Variants in ADGB observed in about 807,000 individuals in gnomAD.
ADGB encodes the protein androglobin.
A neutral mutation model predicts 210.5 loss-of-function variants in ADGB; 172 were observed. The observed-to-expected ratio is 0.82, with a 90% CI of 0.72 to 0.93. ADGB has a LOEUF of 0.93. ADGB is among the 40% of genes least tolerant of loss of function. The pLI, the probability that ADGB is intolerant of heterozygous loss-of-function variation, is 0.00. For synonymous variants in ADGB, 658 were observed against 662.7 expected, an observed-to-expected ratio of 0.99 and a Z score of 0.11; for missense variants, 2,025 against 1,964.8, an observed-to-expected ratio of 1.03 and a Z score of -0.58.
rs1193400612 is a variant in ADGB, at chr6:146,666,854, C to T, written c.791C>T (p.Thr264Met). 7 of 1,547,722 alleles carry T rather than the reference C, an allele frequency of 4.5e-6. No individual in the cohort carries two copies. The African/African-American group carries it at 6.9e-5, about 15-fold the overall frequency. The change falls in exon 7 of 36, where the codon ACG (threonine) becomes ATG (methionine). Residue 264 changes from threonine (T) to methionine (M), a missense_variant. Physicochemically the swap from Thr to Met is moderately conservative, Grantham distance 81. Coordinates refer to ENST00000397944, the MANE Select transcript of ADGB (RefSeq NM_024694.4). ...VADRRELGEF[T>M]VIHALTGWLP... is the part of the protein sequence containing the mutation. ...GACAGGAGAGAGCTGGGGGAGTTCACGGTTATTCATGCGCTCACAGGATGG... is the reference window on the plus strand; with the variant it reads ...GACAGGAGAGAGCTGGGGGAGTTCATGGTTATTCATGCGCTCACAGGATGG...
chr6:146,688,296 A>G (rs1290481814), intron 10 of ADGB, among the ~76,000 whole-genome samples: 1 of 152,148 alleles, frequency 6.6e-6, no homozygotes, highest in East Asian at 1.9e-4. Flanking sequence ...AATGAAAAAA[A>G]AAATGAATGA....
chr6:146,796,860 T>G (rs982854191), intron 33 of ADGB, among the ~76,000 whole-genome samples: 2 of 152,010 alleles, frequency 1.3e-5, no homozygotes, highest in African/African-American at 4.8e-5. Flanking sequence ...AGAATTAAAC[T>G]AAAAAGCTTC....
rs944716662 is a variant in ADGB, at chr6:146,672,465, A to G, written c.1085A>G (p.Lys362Arg). 6.5e-7 allele frequency: 1 copy of G among 1,533,370 alleles called. No homozygotes were observed. Among genetic ancestry groups the G allele is most frequent in the East Asian group, 2.5e-5 (1 of 40,784 alleles). The allele number at this position is 1,533,370 out of a possible 1,614,324, so 95.0% of individuals were successfully genotyped here. The part of the protein sequence containing the change: ...KAPEKSDKVP[K>R]EKADARDIGK... ...CCTGAGAAAAGCGACAAAGTTCCAAAGGGTAAGATATTTTACATCAAAATG... is the reference window on the plus strand; with the variant it reads ...CCTGAGAAAAGCGACAAAGTTCCAAGGGGTAAGATATTTTACATCAAAATG... The change falls in exon 8 of 36, where the codon AAG (lysine) becomes AGG (arginine). Residue 362 changes from lysine (K) to arginine (R), a missense_variant and splice_region_variant. Transcript: ENST00000397944.
chr6:146,602,107 T>C (rs1490268812), intron 1 of ADGB, among the ~76,000 whole-genome samples: 1 of 152,188 alleles, frequency 6.6e-6, no homozygotes, highest in African/African-American at 2.4e-5. Context: ...TTAAACAATT[T>C]CTATTTTATC....
intron 19 of ADGB, among the ~76,000 whole-genome samples, chr6:146,726,511 C>T (rs958700434): frequency 6.6e-6 from 1 of 152,216 alleles, no homozygotes; most frequent in African/African-American, 2.4e-5. Flanking sequence ...GCATGAGCCA[C>T]CGCACCCAGC....
chr6:146,761,280 G>A (rs1029865415), intron 27 of ADGB, among the ~76,000 whole-genome samples: 1 of 151,866 alleles, frequency 6.6e-6, no homozygotes, highest in African/African-American at 2.4e-5. Context: ...GTTTAAGGTA[G>A]GCAGTCAAAA....
intron 33 of ADGB, among the ~76,000 whole-genome samples, chr6:146,793,953 C>T (rs1183951148): frequency 1.3e-5 from 2 of 152,156 alleles, no homozygotes; most frequent in Non-Finnish European, 2.9e-5. Context: ...TTTGTTATTT[C>T]TTGCAAACTG....
chr6:146,785,884 A>G (rs1562300554), intron 32 of ADGB, among the ~76,000 whole-genome samples, 172 bp downstream of exon 32: 1 of 152,030 alleles, frequency 6.6e-6, no homozygotes, highest in Non-Finnish European at 1.5e-5. Context: ...TAGTGCTTCA[A>G]TTTTCAAATC....
Position 146,733,153 on chromosome 6 carries a change from AAAGTTCAAAT to A in ADGB, c.2557_2566del (p.Val853GlnfsTer30). The A allele has an allele frequency of 1.3e-6, 2 of 1,533,268 alleles. No individual in the cohort carries two copies. The highest frequency in any genetic ancestry group is 1.8e-6 in the Non-Finnish European group (2 of 1,137,370). 95.0% of individuals were successfully genotyped at this position (1,533,268 alleles called of 1,614,324 possible). A position where few individuals can be genotyped will look rare whatever the true frequency, so the allele number is the denominator to read the frequency against. ...TCTTTCCTTATGGCGTTTAATGAAA[AAAGTTCAAAT>A]AACAAAACCTCCTCCAAACTTCAAA... is the stretch of plus-strand genomic sequence containing the variant. On this transcript the variant is annotated frameshift_variant, in exon 21 of 36. Coordinates refer to ENST00000397944, the MANE Select transcript of ADGB (RefSeq NM_024694.4). LOFTEE classifies it high-confidence loss of function.
At chr6:146,789,200 A>C (rs1777921392) in intron 33 of ADGB, among the ~76,000 whole-genome samples, 1 of 152,120 alleles carries the variant, frequency 6.6e-6, no homozygotes, top group African/African-American at 2.4e-5. Flanking sequence ...AGGGAACTAA[A>C]TGTCCTATTA....
chr6:146,638,048 T>G (rs894906933), intron 2 of ADGB, among the ~76,000 whole-genome samples: 1 of 151,992 alleles, frequency 6.6e-6, no homozygotes, highest in African/African-American at 2.4e-5. Flanking sequence ...CATGATCAAG[T>G]AGGCTTCACT....
chr6:146,685,881 A>C, intron 10 of ADGB, 53 bp downstream of exon 10: 1 of 1,159,974 alleles, frequency 8.6e-7, no homozygotes, highest in Admixed American at 2.6e-5. Flanking sequence ...GTGTGGGTGC[A>C]CGTGTGTGTG....
intron 33 of ADGB, among the ~76,000 whole-genome samples, chr6:146,797,402 G>A (rs1217626346): frequency 6.6e-6 from 1 of 151,800 alleles, no homozygotes; most frequent in African/African-American, 2.4e-5. Flanking sequence ...ACACACACAT[G>A]TTTATAGCAG....
At chr6:146,634,177 A>G (rs934014930) in intron 1 of ADGB, among the ~76,000 whole-genome samples, 1 of 152,124 alleles carries the variant, frequency 6.6e-6, no homozygotes, top group Non-Finnish European at 1.5e-5. Context: ...ACAGGTTTAT[A>G]GCCTAGGAGC....
At chr6:146,754,888 A>G (rs1468762758) in intron 27 of ADGB, among the ~76,000 whole-genome samples, 1 of 152,064 alleles carries the variant, frequency 6.6e-6, no homozygotes, top group African/African-American at 2.4e-5. Context: ...ATAAAAGTCA[A>G]ACTTGCTAAT....
At chr6:146,678,372 G>T (rs533739742) in intron 9 of ADGB, among the ~76,000 whole-genome samples, 1 of 152,088 alleles carries the variant, frequency 6.6e-6, no homozygotes. Flanking sequence ...GACTGCAGGC[G>T]CATGCCATTA....
chr6:146,623,629 A>T (rs899889939), intron 1 of ADGB, among the ~76,000 whole-genome samples: 11 of 152,042 alleles, frequency 7.2e-5, no homozygotes, highest in South Asian at 2.1e-4. Flanking sequence ...CAATCATGTC[A>T]TCTGCAAATG....
intron 1 of ADGB, among the ~76,000 whole-genome samples, chr6:146,611,443 T>C (rs1242539304): frequency 6.6e-6 from 1 of 152,100 alleles, no homozygotes; most frequent in Non-Finnish European, 1.5e-5. Flanking sequence ...AGTCCTGTCC[T>C]TGCTGCCTCT....
chr6:146,765,755 G>T (rs555775306), intron 28 of ADGB, among the ~76,000 whole-genome samples: 163 of 151,680 alleles, frequency 1.1e-3, no homozygotes, highest in African/African-American at 3.8e-3. Context: ...ATACAATGCA[G>T]CTTCTAGATT....
Sources: gnomAD v4.1 joint callset for allele counts (sites outside exome capture counted in the v4.1 genomes callset) on GRCh38, gnomAD v4.1.1 for gene constraint, MANE v1.5 for transcripts, NCBI Gene and HGNC (gene_info 2026-07-23, HGNC 2026-07-21) for gene names.